The following NACC1 variants were observed in gnomAD, a reference collection of about 807,000 sequenced individuals.
NACC1 encodes the protein nucleus accumbens-associated protein 1.
A neutral mutation model predicts 41.7 loss-of-function variants in NACC1; 6 were observed. That is an observed-to-expected ratio of 0.14 (90% CI 0.08 to 0.28). The LOEUF is 0.28. NACC1 is among the 10% of genes least tolerant of loss of function. NACC1 has a pLI of 1.00. For missense variants in NACC1, 434 were observed against 763.7 expected (o/e 0.57, Z 5.09); for synonymous variants, 338 against 330.6 (o/e 1.02, Z -0.24).
At chr19:13,133,893 A>G (rs2019665748) in intron 1 of NACC1, among the ~76,000 whole-genome samples, 1 of 152,160 alleles carries the variant, frequency 6.6e-6, no homozygotes, top group East Asian at 1.9e-4. Context: ...TCCCACAAGC[A>G]GTGGAAATGG....
At chr19:13,118,962 A>G (rs1416334366) in intron 1 of NACC1, among the ~76,000 whole-genome samples, 3 of 151,428 alleles carry the variant, frequency 2.0e-5, no homozygotes, top group African/African-American at 7.3e-5. Context: ...GGCTGAGGAG[A>G]AGCCCAGGAA....
At chr19:13,118,979 C>T (rs2019452243) in intron 1 of NACC1, among the ~76,000 whole-genome samples, 1 of 149,476 alleles carries the variant, frequency 6.7e-6, no homozygotes, top group Non-Finnish European at 1.5e-5. Context: ...GGAAGTGGGG[C>T]ACGGCGGGTG....
intron 1 of NACC1, among the ~76,000 whole-genome samples, chr19:13,126,697 G>T (rs2019567059): frequency 6.6e-6 from 1 of 152,188 alleles, no homozygotes; most frequent in African/African-American, 2.4e-5. Context: ...AGCTGTCAAA[G>T]GAGGTCGTCT....
intron 1 of NACC1, among the ~76,000 whole-genome samples, chr19:13,126,665 A>T (rs2019566489): frequency 6.6e-6 from 1 of 152,050 alleles, no homozygotes; most frequent in Non-Finnish European, 1.5e-5. Flanking sequence ...TAGGCCCCTG[A>T]CTGCTGGCTA....
In NACC1 at chr19:13,135,817, G is replaced by C. The variant is rs1314006920; in HGVS notation, c.610G>C (p.Ala204Pro). 1 of 1,554,568 alleles carries C rather than the reference G, an allele frequency of 6.4e-7. No homozygotes were observed. The highest frequency in any genetic ancestry group is 8.7e-7 in the Non-Finnish European group (1 of 1,151,176). Reference sequence around the variant, plus strand: ...CGGCGGCAATGGCAGCCGCAAGATGGCCAAGTTCTCCACGCCGGACCTGGC... The same window carrying C: ...CGGCGGCAATGGCAGCCGCAAGATGCCCAAGTTCTCCACGCCGGACCTGGC... The part of the protein sequence containing the change: ...GGGGNGSRKM[A>P]KFSTPDLAAN... The change falls in exon 2 of 6, where the codon GCC (alanine) becomes CCC (proline). Residue 204 changes from alanine to proline, a missense_variant. Physicochemically the swap from Ala to Pro is conservative, Grantham distance 27. Around this residue, in one of 4 missense-constraint regions of NACC1, gnomAD observed 234 missense variants for 308.3 expected, o/e 0.76. Transcript: ENST00000292431.
At chr19:13,130,137 C>T (rs2019615839) in intron 1 of NACC1, among the ~76,000 whole-genome samples, 1 of 152,068 alleles carries the variant, frequency 6.6e-6, no homozygotes, top group Non-Finnish European at 1.5e-5. Flanking sequence ...AATATAGTGG[C>T]ACAATCATCA....
upstream of NACC1, chr19:13,117,037 T>C (rs949381174): frequency 6.6e-6 from 1 of 152,564 alleles, no homozygotes; most frequent in Non-Finnish European, 1.5e-5. Flanking sequence ...GGCTCTGGAG[T>C]TGGATTTACC....
At chr19:13,127,733 G>C (rs1599989080) in intron 1 of NACC1, among the ~76,000 whole-genome samples, 1 of 151,838 alleles carries the variant, frequency 6.6e-6, no homozygotes, top group South Asian at 2.1e-4. Context: ...TGTGGTCCCA[G>C]CTATTTGGGA....
At chr19:13,121,560 A>T (rs891510237) in intron 1 of NACC1, among the ~76,000 whole-genome samples, 1 of 152,152 alleles carries the variant, frequency 6.6e-6, no homozygotes, top group Non-Finnish European at 1.5e-5. Context: ...TACAGGGTCT[A>T]TTGAAGGAGT....
chr19:13,122,901 G>A (rs1238406569), intron 1 of NACC1, among the ~76,000 whole-genome samples: 2 of 150,482 alleles, frequency 1.3e-5, no homozygotes, highest in African/African-American at 2.5e-5. Context: ...ACTACGGGGC[G>A]AGCGCCGATC....
chr19:13,136,431 TC>T lies in NACC1; in HGVS notation c.1120+30del. The T allele has an allele frequency of 6.3e-7, 1 of 1,590,372 alleles. No homozygotes were observed. The highest frequency in any genetic ancestry group is 8.6e-7 in the Non-Finnish European group (1 of 1,167,636). On this transcript the variant is annotated intron_variant, in intron 3 of 5. Transcript: ENST00000292431. The surrounding 1 kb of genome is among the most constrained non-coding windows in gnomAD (Gnocchi z 5.5). Reference sequence around the variant, plus strand: ...GTGGGCCGGTCTCGCCCCAGATCTCTCCCCTCCGCAGCTTTGGAGCCGGCTG... The same window carrying T: ...GTGGGCCGGTCTCGCCCCAGATCTCTCCCTCCGCAGCTTTGGAGCCGGCTG...
chr19:13,129,478 G>A (rs1333759315), intron 1 of NACC1, among the ~76,000 whole-genome samples: 6 of 152,146 alleles, frequency 3.9e-5, no homozygotes, highest in Non-Finnish European at 7.4e-5. Flanking sequence ...GGATGGAGGG[G>A]TTCCCAGAGA....
In NACC1 at chr19:13,140,801, C is replaced by T. The variant is rs1490932185; in HGVS notation, c.*2395C>T. ...CCTGCTGCTTTTTCCTTCTCTTCCTCCCCTGCCCTGAGCTGCATGGTTCCC... is the reference window on the plus strand; with the variant it reads ...CCTGCTGCTTTTTCCTTCTCTTCCTTCCCTGCCCTGAGCTGCATGGTTCCC... On this transcript the variant is annotated 3_prime_UTR_variant, in exon 6 of 6. Coordinates refer to ENST00000292431, the MANE Select transcript of NACC1 (RefSeq NM_052876.4). This position sits in a 1 kb window ranked among gnomAD's most constrained non-coding sequence, Gnocchi z 4.0. 6.5e-6 allele frequency: 1 copy of T among 153,128 alleles called. No individual in the cohort carries two copies. Among genetic ancestry groups the T allele is most frequent in the Non-Finnish European group, 1.5e-5 (1 of 68,488 alleles). 9.5% of individuals were successfully genotyped at this position (153,128 alleles called of 1,614,324 possible). A position where few individuals can be genotyped will look rare whatever the true frequency, so the allele number is the denominator to read the frequency against.
chr19:13,134,319 C>T (rs1326002065), intron 1 of NACC1, among the ~76,000 whole-genome samples: 2 of 152,086 alleles, frequency 1.3e-5, no homozygotes, highest in Non-Finnish European at 2.9e-5. Context: ...CTTGCCCTCC[C>T]AAAGTGCTGG....
At chr19:13,132,688 G>A (rs1387821339) in intron 1 of NACC1, among the ~76,000 whole-genome samples, 11 of 152,088 alleles carry the variant, frequency 7.2e-5, no homozygotes, top group Admixed American at 6.6e-4. Context: ...CTTGCTTGTG[G>A]CCTGCCAGGG....
chr19:13,133,455 A>G (rs2019659873), intron 1 of NACC1, among the ~76,000 whole-genome samples: 1 of 152,078 alleles, frequency 6.6e-6, no homozygotes, highest in Non-Finnish European at 1.5e-5. Context: ...GCCCCTGGCA[A>G]CCACTAATCT....
chr19:13,126,878 G>A (rs747549631), intron 1 of NACC1, among the ~76,000 whole-genome samples: 21 of 152,018 alleles, frequency 1.4e-4, no homozygotes, highest in Admixed American at 3.3e-4. Flanking sequence ...AGGGGTAGAG[G>A]ACACAACAGG....
rs1421836314 is a variant in NACC1 at position 13,140,752 on chromosome 19, C to A, written c.*2346C>A. On this transcript the variant is annotated 3_prime_UTR_variant, in exon 6 of 6. Transcript: ENST00000292431. The surrounding 1 kb of genome is among the most constrained non-coding windows in gnomAD (Gnocchi z 4.0). ...TGTACCCCCCTTGCCCTGCCATTCA[C>A]CCTCCACCCCTACCCCTGGGCGGCC... The A allele has an allele frequency of 6.5e-6, 1 of 153,042 alleles. No homozygotes were observed. The highest frequency in any genetic ancestry group is 1.5e-5 in the Non-Finnish European group (1 of 68,462). 9.5% of individuals were successfully genotyped at this position (153,042 alleles called of 1,614,324 possible). A position where few individuals can be genotyped will look rare whatever the true frequency, so the allele number is the denominator to read the frequency against.
chr19:13,128,822 G>GT (rs1209829284), intron 1 of NACC1, among the ~76,000 whole-genome samples: 1 of 152,210 alleles, frequency 6.6e-6, no homozygotes, highest in Admixed American at 6.5e-5. Context: ...CATGGAAACC[G>GT]TGTGCTGTGC....
Sources: gnomAD v4.1 joint callset for allele counts (sites outside exome capture counted in the v4.1 genomes callset) on GRCh38, gnomAD v4.1.1 for gene constraint, gnomAD v4.1.1 regional missense constraint, Gnocchi (gnomAD v3.1) non-coding constraint, MANE v1.5 for transcripts, NCBI Gene and HGNC (gene_info 2026-07-23, HGNC 2026-07-21) for gene names.